NELL1: variants seen among roughly 807,000 people sequenced by gnomAD.
The protein encoded by NELL1 is neural EGFL like 1.
In NELL1, 76 loss-of-function variants were observed where a neutral mutation model predicts 107.4. The ratio of observed to expected loss-of-function variants is 0.71; its 90% CI spans 0.59 to 0.86. The LOEUF is 0.86. Ranked by LOEUF, NELL1 falls within the 40% of genes least tolerant of loss-of-function variation. NELL1 has a pLI of 0.00. For synonymous variants in NELL1, 353 were observed against 341.2 expected (o/e 1.03, Z -0.38); for missense variants, 1,024 against 1,005.5 (o/e 1.02, Z -0.25).
chr11:21,507,105 A>C (rs7119329), intron 15 of NELL1, among the ~76,000 whole-genome samples: 3,790 of 152,298 alleles, frequency 0.025, 178 homozygotes, highest in African/African-American at 0.087. Flanking sequence ...TCAAGATCAC[A>C]CTTTGGAAGA....
intron 12 of NELL1, among the ~76,000 whole-genome samples, chr11:20,998,372 T>C (rs35062879): frequency 0.24 from 35,996 of 152,168 alleles, 4,557 homozygotes; most frequent in Middle Eastern, 0.36. Context: ...CATAAGCTTT[T>C]TTTCATTTTG....
chr11:21,379,053 C>A (rs1851550674), intron 15 of NELL1, among the ~76,000 whole-genome samples: 1 of 151,946 alleles, frequency 6.6e-6, no homozygotes, highest in Non-Finnish European at 1.5e-5. Flanking sequence ...CAAAGCCACT[C>A]AATTAATCAG....
intron 13 of NELL1, among the ~76,000 whole-genome samples, chr11:21,139,919 T>C (rs990523945): frequency 6.6e-6 from 1 of 152,160 alleles, no homozygotes; most frequent in African/African-American, 2.4e-5. Flanking sequence ...CCCATTTTTT[T>C]CCTATGATTC....
At chr11:21,107,285 C>T (rs1422323791) in intron 12 of NELL1, among the ~76,000 whole-genome samples, 4 of 152,020 alleles carry the variant, frequency 2.6e-5, no homozygotes, top group African/African-American at 9.7e-5. Context: ...TAAAACCTCA[C>T]TGGATTTTTA....
chr11:20,907,628 G>A (rs1168792125), intron 5 of NELL1, among the ~76,000 whole-genome samples: 1 of 152,090 alleles, frequency 6.6e-6, no homozygotes, highest in Non-Finnish European at 1.5e-5. Flanking sequence ...TGGAACTCTT[G>A]TATATTGCTG....
chr11:21,168,321 C>T (rs1399962957), intron 13 of NELL1, among the ~76,000 whole-genome samples: 2 of 150,352 alleles, frequency 1.3e-5, no homozygotes, highest in African/African-American at 2.5e-5. Flanking sequence ...AATGCTCTTC[C>T]TTTTTTTTTA....
At chr11:21,365,933 A>G (rs980044830) in intron 14 of NELL1, among the ~76,000 whole-genome samples, 1 of 152,064 alleles carries the variant, frequency 6.6e-6, no homozygotes, top group East Asian at 1.9e-4. Flanking sequence ...CACTATTGAC[A>G]TTTTGGGCCA....
intron 13 of NELL1, among the ~76,000 whole-genome samples, chr11:21,125,856 T>G (rs2133749483): frequency 6.6e-6 from 1 of 152,354 alleles, no homozygotes; most frequent in African/African-American, 2.4e-5. Context: ...CACAGGGCTC[T>G]GAATCAGCCA....
At chr11:21,343,761 G>C (rs1481675788) in intron 14 of NELL1, among the ~76,000 whole-genome samples, 1 of 152,036 alleles carries the variant, frequency 6.6e-6, no homozygotes. Flanking sequence ...TAGATGGCAG[G>C]GTGGATTTCT....
At chr11:21,092,246 A>T (rs1590628118) in intron 12 of NELL1, among the ~76,000 whole-genome samples, 1 of 152,182 alleles carries the variant, frequency 6.6e-6, no homozygotes, top group Non-Finnish European at 1.5e-5. Flanking sequence ...TAGTAGAAGG[A>T]CAGTGGGAAC....
chr11:20,870,848 T>C (rs1442940041), intron 4 of NELL1, among the ~76,000 whole-genome samples: 2 of 152,070 alleles, frequency 1.3e-5, no homozygotes, highest in Non-Finnish European at 2.9e-5. Flanking sequence ...CTGGAAAAAA[T>C]AAAAATTTCT....
At chr11:21,307,235 T>C (rs564923375) in intron 14 of NELL1, among the ~76,000 whole-genome samples, 1 of 152,090 alleles carries the variant, frequency 6.6e-6, no homozygotes, top group African/African-American at 2.4e-5. Context: ...CAGATGGTAG[T>C]ATTCATGCAG....
intron 14 of NELL1, among the ~76,000 whole-genome samples, chr11:21,272,097 G>C (rs1449460062): frequency 6.6e-6 from 1 of 152,206 alleles, no homozygotes; most frequent in African/African-American, 2.4e-5. Context: ...GCCGAAGCAG[G>C]GCAAGGCATC....
chr11:21,093,689 G>A (rs1041625358), intron 12 of NELL1, among the ~76,000 whole-genome samples: 4 of 152,210 alleles, frequency 2.6e-5, no homozygotes, highest in Middle Eastern at 3.2e-3. Flanking sequence ...AGCAAGTCAC[G>A]TCTTACATGG....
At chr11:21,002,845 G>T (rs1256115877) in intron 12 of NELL1, among the ~76,000 whole-genome samples, 1 of 152,140 alleles carries the variant, frequency 6.6e-6, no homozygotes, top group African/African-American at 2.4e-5. Context: ...CACTTGCAGT[G>T]AATTATTTTC....
At chr11:20,805,027 CTTCT>C (rs1435510867) in intron 3 of NELL1, among the ~76,000 whole-genome samples, 1 of 152,016 alleles carries the variant, frequency 6.6e-6, no homozygotes, top group African/African-American at 2.4e-5. Flanking sequence ...ATATAATAAA[CTTCT>C]TTGTCTTTTT....
At chr11:20,690,773 T>C (rs1489167758) in intron 2 of NELL1, among the ~76,000 whole-genome samples, 2 of 151,642 alleles carry the variant, frequency 1.3e-5, no homozygotes, top group Non-Finnish European at 3.0e-5. Flanking sequence ...TGGGCTCTTT[T>C]TTGGTTCCAT....
chr11:20,978,288 T>A (rs1206517441), intron 12 of NELL1, among the ~76,000 whole-genome samples: 1 of 152,214 alleles, frequency 6.6e-6, no homozygotes, highest in Non-Finnish European at 1.5e-5. Context: ...CAGCATGTAC[T>A]CTATGATAGT....
chr11:21,525,313 A>G (rs375052608), intron 15 of NELL1, among the ~76,000 whole-genome samples: 2 of 152,330 alleles, frequency 1.3e-5, no homozygotes, highest in African/African-American at 4.8e-5. Context: ...AGTTACTAAT[A>G]AGGACTTACA....
Sources: gnomAD v4.1 joint callset for allele counts (sites outside exome capture counted in the v4.1 genomes callset) on GRCh38, gnomAD v4.1.1 for gene constraint, MANE v1.5 for transcripts, NCBI Gene and HGNC (gene_info 2026-07-23, HGNC 2026-07-21) for gene names.